Variants in MARCHF1 observed in about 807,000 individuals in gnomAD.
The protein encoded by MARCHF1 is E3 ubiquitin-protein ligase MARCHF1.
In MARCHF1, 40 loss-of-function variants were observed where a neutral mutation model predicts 54.2. That is an observed-to-expected ratio of 0.74 (90% confidence interval 0.57 to 0.96). The LOEUF is 0.96. Among genes scored for constraint, MARCHF1 ranks in the 40% least tolerant of loss-of-function variants. The pLI, the probability that MARCHF1 is intolerant of heterozygous loss-of-function variation, is 0.00. For synonymous variants in MARCHF1, 236 were observed against 236.3 expected (o/e 1.00, Z 0.01); for missense variants, 586 against 656.5 (o/e 0.89, Z 1.17).
chr4:163,833,819 G>A (rs774501502), intron 4 of MARCHF1, among the ~76,000 whole-genome samples: 9 of 152,126 alleles, frequency 5.9e-5, no homozygotes, highest in Non-Finnish European at 1.3e-4. Flanking sequence ...GACAATTACT[G>A]TGGAATAATG....
chr4:163,706,130 T>G (rs981322233), intron 4 of MARCHF1, among the ~76,000 whole-genome samples: 1 of 152,204 alleles, frequency 6.6e-6, no homozygotes, highest in South Asian at 2.1e-4. Flanking sequence ...TAAGGTCAAA[T>G]TTCCTCCAGT....
intron 3 of MARCHF1, among the ~76,000 whole-genome samples, chr4:163,879,186 G>T (rs899964498): frequency 6.6e-6 from 1 of 152,102 alleles, no homozygotes; most frequent in East Asian, 1.9e-4. Flanking sequence ...TTGGAAAAGG[G>T]TCCTAGAGAT....
chr4:163,862,790 A>G (rs1478362029), intron 3 of MARCHF1, among the ~76,000 whole-genome samples: 1 of 152,082 alleles, frequency 6.6e-6, no homozygotes, highest in African/African-American at 2.4e-5. Flanking sequence ...TTTATTCATA[A>G]TCACCAAAAA....
At chr4:163,932,651 C>T (rs889784326) in intron 3 of MARCHF1, 8 of 464,348 alleles carry the variant, frequency 1.7e-5, no homozygotes, top group Middle Eastern at 3.9e-4. Flanking sequence ...ACCTGCTTTC[C>T]GTGGCCTACA....
chr4:163,783,698 G>C (rs1747533658), intron 4 of MARCHF1, among the ~76,000 whole-genome samples: 1 of 152,208 alleles, frequency 6.6e-6, no homozygotes, highest in Non-Finnish European at 1.5e-5. Flanking sequence ...CTCTCCTAGT[G>C]TTTGAGGTAC....
At chr4:164,142,550 C>T (rs1365265230) in intron 1 of MARCHF1, among the ~76,000 whole-genome samples, 1 of 152,208 alleles carries the variant, frequency 6.6e-6, no homozygotes, top group Non-Finnish European at 1.5e-5. Flanking sequence ...AGGCACCCCC[C>T]AGCAGGGGCA....
intron 2 of MARCHF1, among the ~76,000 whole-genome samples, chr4:164,010,553 A>G (rs1753399535): frequency 6.6e-6 from 1 of 152,168 alleles, no homozygotes; most frequent in African/African-American, 2.4e-5. Flanking sequence ...ATACCTAGAA[A>G]TAAACTTAAA....
intron 4 of MARCHF1, among the ~76,000 whole-genome samples, chr4:163,809,732 A>C (rs1748330693): frequency 6.6e-6 from 1 of 152,070 alleles, no homozygotes; most frequent in Non-Finnish European, 1.5e-5. Flanking sequence ...CATACATGTA[A>C]AAGTCAAGTA....
intron 1 of MARCHF1, among the ~76,000 whole-genome samples, chr4:164,117,023 C>T (rs947591770): frequency 5.3e-5 from 8 of 151,952 alleles, no homozygotes; most frequent in African/African-American, 1.5e-4. Flanking sequence ...TTTGGGAGGC[C>T]AAGGCGGGTA....
At chr4:164,042,254 C>A (rs1560875910) in intron 2 of MARCHF1, among the ~76,000 whole-genome samples, 1 of 152,076 alleles carries the variant, frequency 6.6e-6, no homozygotes, top group Non-Finnish European at 1.5e-5. Flanking sequence ...TTAGTCTGTT[C>A]TTACACTGGT....
At chr4:163,659,391 CA>C (rs755843523) in intron 5 of MARCHF1, among the ~76,000 whole-genome samples, 15 of 150,908 alleles carry the variant, frequency 9.9e-5, no homozygotes, top group Non-Finnish European at 2.1e-4. Flanking sequence ...ACACCTTATA[CA>C]AAAATTAATT....
chr4:163,911,517 T>C (rs1162323189), intron 3 of MARCHF1, among the ~76,000 whole-genome samples: 1 of 152,170 alleles, frequency 6.6e-6, no homozygotes, highest in Non-Finnish European at 1.5e-5. Context: ...CAGTAGTAAT[T>C]ACAGCATTTG....
chr4:164,321,099 A>T (rs1735132242), intron 1 of MARCHF1, among the ~76,000 whole-genome samples: 1 of 152,194 alleles, frequency 6.6e-6, no homozygotes, highest in Non-Finnish European at 1.5e-5. Context: ...TTTTTAAAGT[A>T]ATATAAGAGT....
Position 163,528,730 on chromosome 4 carries a change from A to AACTC in MARCHF1, c.*14_*17dup. The AACTC allele has an allele frequency of 6.3e-7, 1 of 1,586,628 alleles. No individual in the cohort carries two copies. Among genetic ancestry groups the AACTC allele is most frequent in the Non-Finnish European group, 8.6e-7 (1 of 1,164,910 alleles). On this transcript the variant is annotated 3_prime_UTR_variant, in exon 10 of 10. Transcript: ENST00000514618. Reference sequence around the variant, plus strand: ...CTAGAAAGATATTCTTCGGTGAAGAAACTCCCAACAGGTTCCATCAGACTG... The same window carrying AACTC: ...CTAGAAAGATATTCTTCGGTGAAGAAACTCACTCCCAACAGGTTCCATCAGACTG...
rs920611120 is a variant in MARCHF1 at position 164,351,526 on chromosome 4, T to C, written c.-323+32344A>G. Among the ~76,000 whole-genome samples, 223 of 151,748 alleles carry C rather than the reference T, an allele frequency of 1.5e-3. 1 individual carries two copies. Among genetic ancestry groups the C allele is most frequent in the Middle Eastern group, 6.8e-3 (2 of 294 alleles). ...CACTGACACCTCACACGGCAGGGTA[T>C]TCCAACAGACCTGCAGCTGACAGTC... On this transcript the variant is annotated intron_variant, in intron 1 of 9. Coordinates refer to ENST00000514618, the MANE Select transcript of MARCHF1 (RefSeq NM_001394959.1).
intron 3 of MARCHF1, among the ~76,000 whole-genome samples, chr4:163,900,116 T>C (rs1750905765): frequency 1.3e-5 from 2 of 152,252 alleles, no homozygotes. Flanking sequence ...TATAATCTTT[T>C]GCTACTAATA....
intron 1 of MARCHF1, among the ~76,000 whole-genome samples, chr4:164,172,814 A>C (rs890044131): frequency 1.3e-5 from 2 of 152,038 alleles, no homozygotes; most frequent in South Asian, 4.1e-4. Context: ...CGTCTGTACT[A>C]AAAATACAAA....
At chr4:164,377,166 T>C (rs1240867725) in intron 1 of MARCHF1, among the ~76,000 whole-genome samples, 1 of 121,404 alleles carries the variant, frequency 8.2e-6, no homozygotes, top group East Asian at 2.8e-4. Context: ...AAAAATAACA[T>C]TACATGTAAT....
intron 3 of MARCHF1, among the ~76,000 whole-genome samples, chr4:163,952,105 C>T (rs1312861660): frequency 1.3e-5 from 2 of 152,068 alleles, no homozygotes. Context: ...TGTTTTTCCC[C>T]AAGTAAGCAT....
Sources: allele counts gnomAD v4.1 joint callset (sites outside exome capture counted in the v4.1 genomes callset), GRCh38; gene constraint gnomAD v4.1.1; transcripts MANE v1.5; gene names NCBI Gene and HGNC (gene_info 2026-07-23, HGNC 2026-07-21).